MYOZ2: variants seen among roughly 807,000 people sequenced by gnomAD.
MYOZ2 encodes the protein myozenin 2.
In MYOZ2, 19 loss-of-function variants were observed where a neutral mutation model predicts 25.4. That is an observed-to-expected ratio of 0.75 (90% confidence interval 0.52 to 1.10). MYOZ2 has a LOEUF of 1.10. Among genes scored for constraint, MYOZ2 ranks in the 50% least tolerant of loss-of-function variants. The pLI is 0.00. For synonymous variants in MYOZ2, 92 were observed against 106.9 expected, an observed-to-expected ratio of 0.86 and a Z score of 0.86; for missense variants, 270 against 317.9, an observed-to-expected ratio of 0.85 and a Z score of 1.15.
chr4:119,145,405 C>A (rs1297836414), intron 2 of MYOZ2, among the ~76,000 whole-genome samples: 2 of 137,432 alleles, frequency 1.5e-5, no homozygotes, highest in African/African-American at 5.5e-5. Context: ...AGTGCAGTGG[C>A]CTGATCTCAG....
intron 5 of MYOZ2, among the ~76,000 whole-genome samples, chr4:119,184,353 G>T (rs1027857015): frequency 1.3e-5 from 2 of 151,938 alleles, no homozygotes; most frequent in African/African-American, 4.8e-5. Context: ...CCTTGAACAC[G>T]CCAACATTAT....
At chr4:119,141,064 T>A (rs1741149877) in intron 2 of MYOZ2, among the ~76,000 whole-genome samples, 1 of 152,192 alleles carries the variant, frequency 6.6e-6, no homozygotes, top group Non-Finnish European at 1.5e-5. Flanking sequence ...TACATACATG[T>A]TACTTTATAG....
rs1741625973 is a variant in MYOZ2 at position 119,158,152 on chromosome 4, G to T, written c.376+1G>T. On this transcript the variant is annotated splice_donor_variant, in intron 4 of 5. Coordinates refer to ENST00000307128, the MANE Select transcript of MYOZ2 (RefSeq NM_016599.5). LOFTEE classifies it high-confidence loss of function. ...CCAAATCCAGACAACATTGCTCCAG[G>T]TAACCAATCCCCTTACCAACAGAGC... The T allele has an allele frequency of 4.3e-6, 7 of 1,613,938 alleles. No individual in the cohort carries two copies. The highest frequency in any genetic ancestry group is 5.9e-6 in the Non-Finnish European group (7 of 1,179,942).
At chr4:119,172,144 C>A (rs1470972841) in intron 5 of MYOZ2, among the ~76,000 whole-genome samples, 1 of 152,096 alleles carries the variant, frequency 6.6e-6, no homozygotes, top group African/African-American at 2.4e-5. Context: ...ATGTTACATT[C>A]AAATAATATT....
intron 4 of MYOZ2, among the ~76,000 whole-genome samples, chr4:119,160,073 G>A (rs1741671224): frequency 6.6e-6 from 1 of 152,126 alleles, no homozygotes; most frequent in South Asian, 2.1e-4. Flanking sequence ...ACCATGCTGG[G>A]AAAGAAAATA....
chr4:119,136,414 A>C, intron 1 of MYOZ2, 98 bp from the exon 2 acceptor site: 2 of 1,080,622 alleles, frequency 1.9e-6, no homozygotes, highest in Non-Finnish European at 2.8e-6. Context: ...ATAACTTTTT[A>C]ATAAAGAACA....
intron 2 of MYOZ2, among the ~76,000 whole-genome samples, chr4:119,139,634 A>G (rs544192721): frequency 1.3e-5 from 2 of 152,344 alleles, no homozygotes; most frequent in East Asian, 3.9e-4. Flanking sequence ...TGAAATAAGG[A>G]GAGGCACTCT....
intron 2 of MYOZ2, among the ~76,000 whole-genome samples, chr4:119,146,114 A>C (rs1430038337): frequency 6.6e-6 from 1 of 152,090 alleles, no homozygotes; most frequent in Non-Finnish European, 1.5e-5. Context: ...TGTCTTCTCT[A>C]TATTTTCCAT....
rs77591499 is a variant in MYOZ2 at position 119,136,620 on chromosome 4, C to T, written c.76+19C>T. ...GGAAATGGTATCAATAAAAATCCTT[C>T]GTAGCATTAATATAGCACAGCATGA... On this transcript the variant is annotated intron_variant, in intron 2 of 5. Coordinates refer to ENST00000307128, the MANE Select transcript of MYOZ2 (RefSeq NM_016599.5). 8.6e-4 allele frequency: 1,380 copies of T among 1,604,420 alleles called. 15 individuals carry two copies. The African/African-American group carries it at 0.016, about 19-fold the overall frequency.
intron 5 of MYOZ2, among the ~76,000 whole-genome samples, chr4:119,176,845 A>G (rs187151961): frequency 5.3e-5 from 8 of 152,342 alleles, no homozygotes; most frequent in Middle Eastern, 6.8e-3. Flanking sequence ...TTCAAACTCT[A>G]TTAGTATGGG....
chr4:119,136,751 T>C, intron 2 of MYOZ2, 150 bp downstream of exon 2: 1 of 796,052 alleles, frequency 1.3e-6, no homozygotes, highest in Non-Finnish European at 2.1e-6. Context: ...TAGAAAAGCC[T>C]ATGGTAACTA....
chr4:119,143,302 T>A (rs1741214368), intron 2 of MYOZ2, among the ~76,000 whole-genome samples: 1 of 152,156 alleles, frequency 6.6e-6, no homozygotes, highest in African/African-American at 2.4e-5. Context: ...TTCAAGCGAT[T>A]CTCCTGCTTC....
intron 4 of MYOZ2, among the ~76,000 whole-genome samples, chr4:119,160,935 A>G (rs961205365): frequency 7.0e-5 from 1 of 14,356 alleles, no homozygotes; most frequent in Non-Finnish European, 1.8e-4. Context: ...AAATTTATAT[A>G]TAAATAACTG....
intron 5 of MYOZ2, among the ~76,000 whole-genome samples, chr4:119,174,464 C>T (rs1742013054): frequency 6.6e-6 from 1 of 151,974 alleles, no homozygotes; most frequent in Non-Finnish European, 1.5e-5. Context: ...ATTGTAAATA[C>T]ACCAATCAGC....
At chr4:119,157,400 T>G (rs1280946233) in intron 3 of MYOZ2, among the ~76,000 whole-genome samples, 2 of 152,154 alleles carry the variant, frequency 1.3e-5, no homozygotes, top group Non-Finnish European at 2.9e-5. Context: ...GAAAACAAAT[T>G]TATCAAAATT....
rs183671261 is a variant in MYOZ2 at position 119,162,768 on chromosome 4, T to C, written c.377-1443T>C. Among the ~76,000 whole-genome samples the C allele has an allele frequency of 3.7e-4, 57 of 152,302 alleles. 1 individual carries two copies. The highest frequency in any genetic ancestry group is 3.5e-3 in the South Asian group (17 of 4,830). On this transcript the variant is annotated intron_variant, in intron 4 of 5. Transcript: ENST00000307128. ...TTAGGTAGTATAGTTGGTAACACTT[T>C]GTGATTTGTTGTGGGGATGAGGGAG...
intron 3 of MYOZ2, among the ~76,000 whole-genome samples, chr4:119,156,686 C>T (rs1741584941): frequency 6.6e-6 from 1 of 152,028 alleles, no homozygotes. Flanking sequence ...GTTAGTATAT[C>T]ATCAGACTAT....
At chr4:119,168,139 A>AT (rs547332586) in intron 5 of MYOZ2, among the ~76,000 whole-genome samples, 14 of 151,982 alleles carry the variant, frequency 9.2e-5, no homozygotes, top group Middle Eastern at 3.2e-3. Flanking sequence ...TGCTCAGCTA[A>AT]TTTTTTGTAT....
At chr4:119,154,262 T>C (rs1316811651) in intron 3 of MYOZ2, among the ~76,000 whole-genome samples, 4 of 152,176 alleles carry the variant, frequency 2.6e-5, no homozygotes, top group African/African-American at 9.6e-5. Flanking sequence ...TGCATGTTTT[T>C]AATTTACATA....
Sources: gnomAD v4.1 joint callset for allele counts (sites outside exome capture counted in the v4.1 genomes callset) on GRCh38, gnomAD v4.1.1 for gene constraint, MANE v1.5 for transcripts, NCBI Gene and HGNC (gene_info 2026-07-23, HGNC 2026-07-21) for gene names.